PTPRK: variants seen among roughly 807,000 people sequenced by gnomAD.
PTPRK encodes receptor-type tyrosine-protein phosphatase kappa.
Under a neutral mutation model 178.0 loss-of-function variants are expected in PTPRK, and 75 were observed. The ratio of observed to expected loss-of-function variants is 0.42; its 90% confidence interval spans 0.35 to 0.51. The LOEUF (loss-of-function observed/expected upper bound fraction) is 0.51, where lower values mean the gene tolerates loss of function less well. Ranked by LOEUF, PTPRK falls within the 20% of genes least tolerant of loss-of-function variation. The probability of loss-of-function intolerance (pLI) is 0.02; values close to 1 mark genes in which losing one functional copy is unlikely to be tolerated. For missense variants in PTPRK, 1,441 were observed against 1,797.8 expected, an observed-to-expected ratio of 0.80 and a Z score of 3.59; for synonymous variants, 637 against 620.6, an observed-to-expected ratio of 1.03 and a Z score of -0.39.
intron 14 of PTPRK, among the ~76,000 whole-genome samples, chr6:128,006,750 A>C (rs1299229406): frequency 2.0e-5 from 3 of 151,022 alleles, no homozygotes; most frequent in Non-Finnish European, 4.5e-5. Flanking sequence ...AAAAAATGGC[A>C]TACATTTGGA....
At chr6:128,034,698 C>T (rs543727927) in intron 13 of PTPRK, among the ~76,000 whole-genome samples, 3 of 152,038 alleles carry the variant, frequency 2.0e-5, no homozygotes, top group Admixed American at 6.6e-5. Context: ...TTGTATGAGA[C>T]AGTTGTTTTG....
At chr6:127,972,897 A>C (rs956691261) in intron 29 of PTPRK, 125 bp downstream of exon 29, 6 of 935,330 alleles carry the variant, frequency 6.4e-6, no homozygotes, top group Non-Finnish European at 9.7e-6. Context: ...ATTAGGCAGG[A>C]AAGTCCCCAC....
intron 2 of PTPRK, among the ~76,000 whole-genome samples, chr6:128,380,697 G>A (rs1220312135): frequency 6.6e-6 from 1 of 152,082 alleles, no homozygotes; most frequent in Non-Finnish European, 1.5e-5. Flanking sequence ...ATCATAGTAT[G>A]TAAAAGGGAC....
In PTPRK at chr6:128,295,100, A is replaced by G. The variant is rs572121814; in HGVS notation, c.495+26939T>C. 2.6e-5 allele frequency among the ~76,000 whole-genome samples: 4 copies of G among 152,250 alleles called. No homozygotes were observed. The South Asian group carries it at 8.3e-4, about 32-fold the overall frequency. On this transcript the variant is annotated intron_variant, in intron 3 of 29. Transcript: ENST00000368226. ...TGTGATTCTCTTTCAAAATTTAACT[A>G]TATGATTAATTTACATTTGAAATAC...
At chr6:128,173,917 C>T (rs939987711) in intron 7 of PTPRK, among the ~76,000 whole-genome samples, 5 of 151,838 alleles carry the variant, frequency 3.3e-5, no homozygotes, top group African/African-American at 9.7e-5. Context: ...AATAAAAATT[C>T]AAATAATTCA....
chr6:128,255,964 C>A (rs926774361), intron 3 of PTPRK, among the ~76,000 whole-genome samples: 1 of 152,022 alleles, frequency 6.6e-6, no homozygotes, highest in African/African-American at 2.4e-5. Flanking sequence ...AGATAGCCAG[C>A]TAAAACAAAA....
At chr6:128,505,647 T>G (rs1053002058) in intron 1 of PTPRK, among the ~76,000 whole-genome samples, 4 of 152,096 alleles carry the variant, frequency 2.6e-5, no homozygotes, top group African/African-American at 9.7e-5. Flanking sequence ...TTAACAGGGA[T>G]TTCTAACATC....
In PTPRK at chr6:128,389,393, GT is replaced by G. The variant is rs1004801601; in HGVS notation, c.223+8172del. On this transcript the variant is annotated intron_variant, in intron 2 of 29. Transcript: ENST00000368226. ...TTACCTACCTTTTCTTGTTTGCTCG[GT>G]TTTTTTTTGTTTTTTTTTGTTTTTT... Among the ~76,000 whole-genome samples the G allele has an allele frequency of 3.4e-3, 142 of 41,356 alleles. 1 individual carries two copies. Among genetic ancestry groups the G allele is most frequent in the Middle Eastern group, 0.056 (2 of 36 alleles). The allele number at this position is 41,356 out of a possible 152,430, so 27.1% of individuals were successfully genotyped here. A position where few individuals can be genotyped will look rare whatever the true frequency, so the allele number is the denominator to read the frequency against.
chr6:128,390,235 T>A (rs1221550213), intron 2 of PTPRK, among the ~76,000 whole-genome samples: 1 of 152,148 alleles, frequency 6.6e-6, no homozygotes, highest in Admixed American at 6.5e-5. Flanking sequence ...CCATACATGC[T>A]CTAATGAGAC....
At chr6:127,970,305 G>A in intron 29 of PTPRK, 25 bp from the exon 30 acceptor site, 1 of 1,595,024 alleles carries the variant, frequency 6.3e-7, no homozygotes, top group Non-Finnish European at 8.6e-7. Context: ...AACACAAAGA[G>A]TGAGAAAACT....
intron 14 of PTPRK, among the ~76,000 whole-genome samples, chr6:128,007,033 T>A (rs1778511138): frequency 6.6e-6 from 1 of 150,782 alleles, no homozygotes; most frequent in South Asian, 2.1e-4. Flanking sequence ...AGTAATTTCC[T>A]TTTCCATTAT....
intron 21 of PTPRK, among the ~76,000 whole-genome samples, chr6:127,986,804 AAC>A (rs1417100728): frequency 6.6e-6 from 1 of 152,214 alleles, no homozygotes; most frequent in Non-Finnish European, 1.5e-5. Flanking sequence ...AACTGAGAAA[AAC>A]AGTTTATCTT....
chr6:128,101,421 C>T (rs553989733), intron 7 of PTPRK, among the ~76,000 whole-genome samples: 25 of 152,218 alleles, frequency 1.6e-4, no homozygotes, highest in Non-Finnish European at 3.4e-4. Flanking sequence ...ACATCATTGG[C>T]TCTTCTGTTT....
intron 5 of PTPRK, among the ~76,000 whole-genome samples, chr6:128,236,343 C>CTTTTTTTTT (rs35553541): frequency 2.8e-5 from 3 of 108,084 alleles, no homozygotes; most frequent in African/African-American, 3.5e-5. Flanking sequence ...TTCTAAATTT[C>CTTTTTTTTT]TTTTTTTTTT....
intron 1 of PTPRK, among the ~76,000 whole-genome samples, chr6:128,511,694 G>A (rs1052469813): frequency 2.0e-5 from 3 of 152,172 alleles, no homozygotes; most frequent in African/African-American, 7.2e-5. Flanking sequence ...CAACCAGTCT[G>A]GGTTACATTT....
At chr6:128,243,616 C>T (rs1434367812) in intron 3 of PTPRK, among the ~76,000 whole-genome samples, 1 of 151,058 alleles carries the variant, frequency 6.6e-6, no homozygotes, top group African/African-American at 2.4e-5. Context: ...ATTGCTTGAA[C>T]CCAGGAGTTC....
intron 7 of PTPRK, among the ~76,000 whole-genome samples, chr6:128,093,620 A>C (rs1323458264): frequency 1.7e-4 from 25 of 147,252 alleles, no homozygotes; most frequent in African/African-American, 6.2e-4. Context: ...AAAAAAAAAA[A>C]AAACGAAAAA....
chr6:128,460,286 G>A lies in PTPRK; in HGVS notation c.100+59973C>T, dbSNP rs146108572. Among the ~76,000 whole-genome samples the A allele has an allele frequency of 3.0e-4, 45 of 152,120 alleles. 2 individuals carry two copies. In the East Asian group the frequency reaches 8.7e-3, roughly 30 times the overall value. ...CAGCTGGGCATGGGGACTCACACCT[G>A]TAATCCCAGCACTTTGGAAGGTCAA... On this transcript the variant is annotated intron_variant, in intron 1 of 29. Coordinates refer to ENST00000368226, the MANE Select transcript of PTPRK (RefSeq NM_002844.4).
chr6:128,282,824 A>G (rs757096357), intron 3 of PTPRK, among the ~76,000 whole-genome samples: 30 of 152,172 alleles, frequency 2.0e-4, no homozygotes, highest in Non-Finnish European at 3.8e-4. Flanking sequence ...AACAGTGTAC[A>G]AACATCACTT....
Sources: allele counts gnomAD v4.1 joint callset (sites outside exome capture counted in the v4.1 genomes callset), GRCh38; gene constraint gnomAD v4.1.1; transcripts MANE v1.5; gene names NCBI Gene and HGNC (gene_info 2026-07-23, HGNC 2026-07-21).